Variants in PSMA6 observed in about 807,000 individuals in gnomAD.
The protein encoded by PSMA6 is proteasome subunit alpha type-6.
For missense variants in PSMA6, 170 were observed against 294.8 expected (o/e 0.58, Z 3.10); for synonymous variants, 88 against 97.7 (o/e 0.90, Z 0.59).
At chr14:35,301,765 A>G (rs915349620) in intron 1 of PSMA6, among the ~76,000 whole-genome samples, 2 of 152,192 alleles carry the variant, frequency 1.3e-5, no homozygotes, top group African/African-American at 4.8e-5. Context: ...TTTGTGAGAC[A>G]AAAGTTTATG....
At chr14:35,312,400 G>A (rs1005322942) in intron 4 of PSMA6, among the ~76,000 whole-genome samples, 4 of 151,296 alleles carry the variant, frequency 2.6e-5, no homozygotes, top group African/African-American at 4.9e-5. Flanking sequence ...CCAGCTACTC[G>A]GGAGGCTGAG....
At chr14:35,284,982 A>G (rs868058914) in intron 1 of PSMA6, among the ~76,000 whole-genome samples, 22 of 152,266 alleles carry the variant, frequency 1.4e-4, no homozygotes, top group Middle Eastern at 6.8e-3. Context: ...TTGTTTCACC[A>G]TTATGGATGA....
intron 4 of PSMA6, 67 bp from the exon 5 acceptor site, chr14:35,312,814 C>A: frequency 1.4e-6 from 2 of 1,401,664 alleles, no homozygotes; most frequent in South Asian, 1.4e-5. Context: ...TATGTGACAC[C>A]ACCAAGAAAG....
upstream of PSMA6, among the ~76,000 whole-genome samples, chr14:35,288,282 G>C (rs778973998): frequency 4.1e-4 from 63 of 152,286 alleles, no homozygotes; most frequent in African/African-American, 1.5e-3. Flanking sequence ...CGGATCACTT[G>C]AGGCCAGGAG....
At chr14:35,288,476 C>T (rs146894184), upstream of PSMA6, among the ~76,000 whole-genome samples, 3,338 of 152,200 alleles carry the variant, frequency 0.022, 116 homozygotes, top group African/African-American at 0.073. Flanking sequence ...CCAGCCTAGG[C>T]GACAGAGCGA....
chr14:35,281,006 T>C (rs1471066515), intron 1 of PSMA6, among the ~76,000 whole-genome samples: 2 of 152,172 alleles, frequency 1.3e-5, no homozygotes, highest in South Asian at 4.1e-4. Flanking sequence ...CCCACTCCTT[T>C]AACCCAACCA....
intron 1 of PSMA6, among the ~76,000 whole-genome samples, chr14:35,296,410 A>C (rs1186236430): frequency 1.3e-5 from 2 of 152,156 alleles, no homozygotes; most frequent in East Asian, 3.9e-4. Flanking sequence ...AGCTCACTGC[A>C]ACCTCTGCCT....
intron 4 of PSMA6, among the ~76,000 whole-genome samples, chr14:35,311,399 C>T (rs558472098): frequency 6.6e-6 from 1 of 152,274 alleles, no homozygotes; most frequent in South Asian, 2.1e-4. Flanking sequence ...ATAAATTAGC[C>T]TGAAAAATTC....
At chr14:35,288,388 C>T (rs1051339754), upstream of PSMA6, among the ~76,000 whole-genome samples, 2 of 152,186 alleles carry the variant, frequency 1.3e-5, no homozygotes, top group African/African-American at 4.8e-5. Flanking sequence ...ATTCCAGCTC[C>T]TTGGGAGGCT....
intron 1 of PSMA6, among the ~76,000 whole-genome samples, chr14:35,283,586 C>T (rs1458228892): frequency 1.4e-5 from 2 of 144,244 alleles, no homozygotes; most frequent in African/African-American, 2.6e-5. Context: ...GATGGGGTCT[C>T]ACTCTGTTGC....
upstream of PSMA6, among the ~76,000 whole-genome samples, chr14:35,291,200 G>A (rs530572840): frequency 6.1e-5 from 9 of 148,438 alleles, no homozygotes; most frequent in African/African-American, 2.2e-4. Flanking sequence ...TGTTGGCCAG[G>A]CTGGAGTTAG....
chr14:35,292,090 C>T (rs546567560), upstream of PSMA6, among the ~76,000 whole-genome samples: 4 of 152,294 alleles, frequency 2.6e-5, no homozygotes, highest in Non-Finnish European at 5.9e-5. Context: ...GTTAATTACA[C>T]GTTCTATTTA....
At chr14:35,288,512 AAACAACAAC>A (rs539252937), upstream of PSMA6, among the ~76,000 whole-genome samples, 6 of 152,236 alleles carry the variant, frequency 3.9e-5, no homozygotes, top group African/African-American at 1.4e-4. Flanking sequence ...AATAAGCCAA[AAACAACAAC>A]AACAACAACA....
chr14:35,278,697 GC>G (rs1488717876), exon 1 of PSMA6: 1 of 1,534,790 alleles, frequency 6.5e-7, no homozygotes, highest in East Asian at 2.4e-5. Context: ...TTTGGAGGTG[GC>G]TATGGCAGGT....
chr14:35,293,237 T>C, intron 1 of PSMA6: 1 of 328,576 alleles, frequency 3.0e-6, no homozygotes, highest in South Asian at 2.4e-5. Context: ...TCTGTTTGAA[T>C]GCTCCTGTAA....
chr14:35,278,607 T>A, upstream of PSMA6: 1 of 1,351,642 alleles, frequency 7.4e-7, no homozygotes, highest in Non-Finnish European at 1.0e-6. Context: ...GACGATTCCA[T>A]CCATGCGGCT....
At chr14:35,285,462 C>A (rs2051413774) in intron 1 of PSMA6, among the ~76,000 whole-genome samples, 2 of 152,188 alleles carry the variant, frequency 1.3e-5, no homozygotes, top group South Asian at 4.1e-4. Flanking sequence ...GATCAGAAAC[C>A]TCATTCATTT....
At chr14:35,296,246 T>C (rs756456630) in intron 1 of PSMA6, among the ~76,000 whole-genome samples, 4 of 152,210 alleles carry the variant, frequency 2.6e-5, no homozygotes, top group Non-Finnish European at 5.9e-5. Context: ...GCTTTAAGGA[T>C]TTAATTAGTT....
intron 3 of PSMA6, among the ~76,000 whole-genome samples, chr14:35,309,339 G>A (rs2051893439): frequency 6.6e-6 from 1 of 152,152 alleles, no homozygotes. Context: ...GGTTAGAAGT[G>A]AGTGAGAATT....
Sources: gnomAD v4.1 joint callset for allele counts (sites outside exome capture counted in the v4.1 genomes callset) on GRCh38, gnomAD v4.1.1 for gene constraint, MANE v1.5 for transcripts, NCBI Gene and HGNC (gene_info 2026-07-23, HGNC 2026-07-21) for gene names.